CORO2A: variants seen among roughly 807,000 people sequenced by gnomAD.
The protein encoded by CORO2A is coronin-2A.
CORO2A carries 47 observed loss-of-function variants against 62.4 expected under a neutral mutation model. The observed-to-expected ratio is 0.75, with a 90% CI of 0.60 to 0.96. The LOEUF (loss-of-function observed/expected upper bound fraction) is 0.96, where lower values mean the gene tolerates loss of function less well. CORO2A is among the 40% of genes least tolerant of loss of function. The probability of loss-of-function intolerance (pLI) is 0.00; values close to 1 mark genes in which losing one functional copy is unlikely to be tolerated. For missense variants in CORO2A, 610 were observed against 684.1 expected, an observed-to-expected ratio of 0.89 and a Z score of 1.21; for synonymous variants, 273 against 268.9, an observed-to-expected ratio of 1.02 and a Z score of -0.15.
intron 1 of CORO2A, among the ~76,000 whole-genome samples, chr9:98,184,550 C>T (rs1828215261): frequency 6.6e-6 from 1 of 152,208 alleles, no homozygotes; most frequent in Non-Finnish European, 1.5e-5. Context: ...CTGGTTTCTT[C>T]ATGGCGGCCC....
intron 5 of CORO2A, among the ~76,000 whole-genome samples, 194 bp from the exon 6 acceptor site, chr9:98,132,495 A>C (rs919608422): frequency 2.0e-5 from 3 of 152,116 alleles, no homozygotes; most frequent in Non-Finnish European, 4.4e-5. Flanking sequence ...TCTCCCCACT[A>C]TCTTTGTTAA....
In CORO2A at chr9:98,124,066, T is replaced by C. The variant is rs1218272439; in HGVS notation, c.*708A>G. 6.9e-6 allele frequency: 1 copy of C among 145,220 alleles called. No individual in the cohort carries two copies. The highest frequency in any genetic ancestry group is 1.5e-5 in the Non-Finnish European group (1 of 67,244). The allele number at this position is 145,220 out of a possible 1,614,324, so 9.0% of individuals were successfully genotyped here. On this transcript the variant is annotated 3_prime_UTR_variant, in exon 12 of 12. Transcript: ENST00000375077. ...TTTGCTCTTATTGCCCAGGTTAGAGTGCAGTGGCACAATCTCAGCTCACTG... is the reference window on the plus strand; with the variant it reads ...TTTGCTCTTATTGCCCAGGTTAGAGCGCAGTGGCACAATCTCAGCTCACTG...
chr9:98,167,569 A>G (rs1486430852), intron 1 of CORO2A, among the ~76,000 whole-genome samples: 1 of 152,170 alleles, frequency 6.6e-6, no homozygotes, highest in African/African-American at 2.4e-5. Context: ...AGTTCAGAAG[A>G]GACTTAAGAG....
chr9:98,160,530 G>A (rs1188547957), intron 1 of CORO2A, among the ~76,000 whole-genome samples: 1 of 152,214 alleles, frequency 6.6e-6, no homozygotes, highest in Middle Eastern at 3.2e-3. Context: ...AGTGAGTTTT[G>A]AGAGAAATGG....
chr9:98,169,615 T>A (rs974992850), intron 1 of CORO2A, among the ~76,000 whole-genome samples: 5 of 152,172 alleles, frequency 3.3e-5, no homozygotes, highest in African/African-American at 1.2e-4. Context: ...GGTCCCTACG[T>A]TCCCCCTGAG....
At chr9:98,145,531 G>C (rs1019866028) in intron 2 of CORO2A, among the ~76,000 whole-genome samples, 7 of 152,168 alleles carry the variant, frequency 4.6e-5, no homozygotes, top group African/African-American at 1.7e-4. Flanking sequence ...TGTATGGAGG[G>C]AACAGATATG....
intron 1 of CORO2A, among the ~76,000 whole-genome samples, chr9:98,174,124 C>T (rs1219110358): frequency 1.4e-5 from 2 of 147,066 alleles, no homozygotes; most frequent in African/African-American, 5.2e-5. Context: ...CACCCCCCAC[C>T]GCCAAAACAA....
intron 1 of CORO2A, among the ~76,000 whole-genome samples, chr9:98,182,987 C>T (rs1002342926): frequency 6.6e-6 from 1 of 152,220 alleles, no homozygotes; most frequent in Non-Finnish European, 1.5e-5. Context: ...TGCAAAGAGG[C>T]TGAAACGCCT....
At chr9:98,167,971 T>C (rs4743174) in intron 1 of CORO2A, among the ~76,000 whole-genome samples, 72,244 of 152,110 alleles carry the variant, frequency 0.47, 17,340 homozygotes, top group African/African-American at 0.53. Flanking sequence ...TAAATTTCCA[T>C]TGTAAAAGAT....
rs879135767 is a variant in CORO2A at position 98,135,171 on chromosome 9, G to T, written c.319-216C>A. 2.6e-5 allele frequency among the ~76,000 whole-genome samples: 4 copies of T among 152,304 alleles called. No individual in the cohort carries two copies. The South Asian group carries it at 8.3e-4, about 32-fold the overall frequency. ...GCTTCCCCAAGCTCCTCCAGCCTGAGCAGGGGCCAGCGCTGACCAGGGATG... is the reference window on the plus strand; with the variant it reads ...GCTTCCCCAAGCTCCTCCAGCCTGATCAGGGGCCAGCGCTGACCAGGGATG... On this transcript the variant is annotated intron_variant, in intron 3 of 11. Transcript: ENST00000375077.
intron 1 of CORO2A, among the ~76,000 whole-genome samples, chr9:98,159,951 G>A (rs960791613): frequency 6.6e-6 from 1 of 152,170 alleles, no homozygotes; most frequent in South Asian, 2.1e-4. Flanking sequence ...TGACCCATGA[G>A]GCTCTTCTCT....
intron 2 of CORO2A, among the ~76,000 whole-genome samples, chr9:98,143,304 G>C (rs956268068): frequency 1.4e-4 from 21 of 152,384 alleles, no homozygotes; most frequent in African/African-American, 5.0e-4. Context: ...GAAAGGGAGA[G>C]GTTGTGAGGC....
chr9:98,178,610 T>C (rs1440519224), intron 1 of CORO2A, among the ~76,000 whole-genome samples: 1 of 152,154 alleles, frequency 6.6e-6, no homozygotes, highest in Non-Finnish European at 1.5e-5. Context: ...TCTCAGAGTG[T>C]TTCCCCTTCT....
rs540473445 is a variant in CORO2A at position 98,190,770 on chromosome 9, A to G, written c.-1+1789T>C. 2.6e-5 allele frequency among the ~76,000 whole-genome samples: 4 copies of G among 152,302 alleles called. No homozygotes were observed. In the East Asian group the frequency reaches 7.7e-4, roughly 29 times the overall value. On this transcript the variant is annotated intron_variant, in intron 1 of 11. Transcript: ENST00000375077. Reference sequence around the variant, plus strand: ...CAGGAAAACAGGGCCCAGATTATACATGTGTCGAGATGACAGGAGACCCAG... The same window carrying G: ...CAGGAAAACAGGGCCCAGATTATACGTGTGTCGAGATGACAGGAGACCCAG...
intron 1 of CORO2A, among the ~76,000 whole-genome samples, chr9:98,177,485 CAG>C (rs144651718): frequency 0.099 from 10,587 of 106,896 alleles, 679 homozygotes; most frequent in African/African-American, 0.23. Flanking sequence ...TTTTTTGAGA[CAG>C]AGTCTGGCTC....
intron 1 of CORO2A, among the ~76,000 whole-genome samples, chr9:98,186,404 A>C (rs1011376077): frequency 6.6e-6 from 1 of 152,180 alleles, no homozygotes; most frequent in African/African-American, 2.4e-5. Context: ...GGCAGATGAC[A>C]TAGATTGAAT....
intron 2 of CORO2A, among the ~76,000 whole-genome samples, chr9:98,152,652 T>C (rs745657766): frequency 6.6e-6 from 1 of 152,212 alleles, no homozygotes; most frequent in Non-Finnish European, 1.5e-5. Context: ...GTCAAGTTAA[T>C]AGCATGAATA....
intron 3 of CORO2A, among the ~76,000 whole-genome samples, chr9:98,136,794 C>T (rs1400178026): frequency 6.6e-6 from 1 of 152,204 alleles, no homozygotes; most frequent in Non-Finnish European, 1.5e-5. Flanking sequence ...ATACAGTGGG[C>T]TCACAATAAA....
At chr9:98,135,646 G>A (rs1353377472) in intron 3 of CORO2A, among the ~76,000 whole-genome samples, 1 of 152,188 alleles carries the variant, frequency 6.6e-6, no homozygotes, top group Non-Finnish European at 1.5e-5. Context: ...GGAGTACAAG[G>A]TGATCCTGGG....
Sources: allele counts gnomAD v4.1 joint callset (sites outside exome capture counted in the v4.1 genomes callset), GRCh38; gene constraint gnomAD v4.1.1; transcripts MANE v1.5; gene names NCBI Gene and HGNC (gene_info 2026-07-23, HGNC 2026-07-21).